SPECC1: variants seen among roughly 807,000 people sequenced by gnomAD.
SPECC1 encodes cytospin-B.
SPECC1 carries 62 observed loss-of-function variants against 104.1 expected under a neutral mutation model. That is an observed-to-expected ratio of 0.60 (90% CI 0.49 to 0.74). The LOEUF (loss-of-function observed/expected upper bound fraction) is 0.74, where lower values mean the gene tolerates loss of function less well. Ranked by LOEUF, SPECC1 falls within the 30% of genes least tolerant of loss-of-function variation. The probability of loss-of-function intolerance (pLI) is 0.00; values close to 1 mark genes in which losing one functional copy is unlikely to be tolerated. For missense variants in SPECC1, 1,306 were observed against 1,310.5 expected, an observed-to-expected ratio of 1.00 and a Z score of 0.05; for synonymous variants, 513 against 501.6, an observed-to-expected ratio of 1.02 and a Z score of -0.30.
chr17:20,297,901 A>G (rs1176935927), intron 13 of SPECC1, among the ~76,000 whole-genome samples: 1 of 152,246 alleles, frequency 6.6e-6, no homozygotes, highest in East Asian at 1.9e-4. Context: ...TGCCCTCATG[A>G]GCTAGACAGA....
chr17:20,165,587 T>C (rs570518491), intron 3 of SPECC1, among the ~76,000 whole-genome samples: 1 of 152,250 alleles, frequency 6.6e-6, no homozygotes, highest in East Asian at 1.9e-4. Flanking sequence ...ATGGAATTGC[T>C]GAGTCAAATG....
At chr17:20,300,647 CT>C (rs1349850757) in intron 13 of SPECC1, among the ~76,000 whole-genome samples, 1 of 152,264 alleles carries the variant, frequency 6.6e-6, no homozygotes, top group East Asian at 1.9e-4. Context: ...GCCAGAGCCC[CT>C]GTGTCTGGCC....
chr17:20,169,263 A>G (rs182642611), intron 3 of SPECC1, among the ~76,000 whole-genome samples: 158 of 152,348 alleles, frequency 1.0e-3, no homozygotes, highest in African/African-American at 3.6e-3. Flanking sequence ...TGTGGGAGCT[A>G]TAAACTATCT....
At chr17:20,101,549 C>A (rs563614904) in intron 2 of SPECC1, among the ~76,000 whole-genome samples, 1 of 152,256 alleles carries the variant, frequency 6.6e-6, no homozygotes, top group African/African-American at 2.4e-5. Flanking sequence ...AGGCTGGGGA[C>A]GTGGACACTC....
rs368966231 is a variant in SPECC1 at position 20,260,188 on chromosome 17, C to A, written c.2838-4C>A. Reference sequence around the variant, plus strand: ...CCTTACCATGTGCTCTTCTTTCTAACCAGTGTGGAAAGAAAAGACCCTCTG... The same window carrying A: ...CCTTACCATGTGCTCTTCTTTCTAAACAGTGTGGAAAGAAAAGACCCTCTG... On this transcript the variant is annotated splice_polypyrimidine_tract_variant and splice_region_variant and intron_variant, in intron 11 of 14. Coordinates refer to ENST00000395527, the MANE Select transcript of SPECC1 (RefSeq NM_001243439.2). 1 of 1,609,836 alleles carries A rather than the reference C, an allele frequency of 6.2e-7. No homozygotes were observed. The highest frequency in any genetic ancestry group is 1.3e-5 in the African/African-American group (1 of 74,778).
chr17:20,237,264 A>T (rs1344446028), intron 7 of SPECC1: 1 of 1,127,296 alleles, frequency 8.9e-7, no homozygotes, highest in Non-Finnish European at 1.1e-6. Context: ...GGTACAGCGC[A>T]GGCCCGAGTT....
intron 3 of SPECC1, among the ~76,000 whole-genome samples, chr17:20,168,021 A>G (rs1365114044): frequency 3.9e-5 from 6 of 152,246 alleles, no homozygotes; most frequent in African/African-American, 1.4e-4. Context: ...AATATAGCCA[A>G]AATTATGAAG....
intron 4 of SPECC1, among the ~76,000 whole-genome samples, chr17:20,211,271 G>C (rs2037130337): frequency 6.6e-6 from 1 of 152,182 alleles, no homozygotes; most frequent in Non-Finnish European, 1.5e-5. Flanking sequence ...GCATCCCACT[G>C]GCACCAAATA....
At chr17:20,063,923 C>T (rs1162052417) in intron 1 of SPECC1, among the ~76,000 whole-genome samples, 2 of 152,190 alleles carry the variant, frequency 1.3e-5, no homozygotes, top group Admixed American at 1.3e-4. Flanking sequence ...ATGAATAAAA[C>T]AATCACTTAG....
intron 3 of SPECC1, among the ~76,000 whole-genome samples, chr17:20,192,974 T>C (rs2035770486): frequency 6.6e-6 from 1 of 152,158 alleles, no homozygotes; most frequent in Non-Finnish European, 1.5e-5. Flanking sequence ...AAAGCAAGTT[T>C]AGTAAGAAAG....
chr17:20,224,250 C>G (rs561364392), intron 4 of SPECC1, among the ~76,000 whole-genome samples: 17 of 152,196 alleles, frequency 1.1e-4, no homozygotes, highest in Non-Finnish European at 2.1e-4. Context: ...AGGGGTGATG[C>G]ACTTCTGTGG....
At chr17:20,063,675 T>G (rs905217069) in intron 1 of SPECC1, among the ~76,000 whole-genome samples, 3 of 152,154 alleles carry the variant, frequency 2.0e-5, no homozygotes, top group Non-Finnish European at 1.5e-5. Context: ...CTCCTTCACC[T>G]CCTCACTCCC....
intron 3 of SPECC1, among the ~76,000 whole-genome samples, chr17:20,202,006 GT>G (rs1190825337): frequency 6.6e-6 from 1 of 152,140 alleles, no homozygotes; most frequent in Non-Finnish European, 1.5e-5. Context: ...CTAATAATCA[GT>G]TTTATCATTT....
chr17:20,112,260 C>T, intron 3 of SPECC1: 2 of 762,638 alleles, frequency 2.6e-6, no homozygotes, highest in South Asian at 2.7e-5. Flanking sequence ...GTACTTTGAA[C>T]CCATTTTGAA....
intron 14 of SPECC1, among the ~76,000 whole-genome samples, chr17:20,312,387 G>A (rs2041956644): frequency 6.6e-6 from 1 of 152,106 alleles, no homozygotes; most frequent in Non-Finnish European, 1.5e-5. Flanking sequence ...AATATTTTTA[G>A]TTCAGTTATG....
At chr17:20,211,681 T>G (rs2037159729) in intron 4 of SPECC1, among the ~76,000 whole-genome samples, 1 of 152,204 alleles carries the variant, frequency 6.6e-6, no homozygotes, top group Admixed American at 6.5e-5. Flanking sequence ...TGAAGCCCCT[T>G]GAAAAGGGGC....
chr17:20,220,218 G>C (rs1223643089), intron 4 of SPECC1, among the ~76,000 whole-genome samples: 4 of 152,120 alleles, frequency 2.6e-5, no homozygotes, highest in Non-Finnish European at 5.9e-5. Flanking sequence ...GAATGTCATT[G>C]GTATTTTGAT....
intron 14 of SPECC1, among the ~76,000 whole-genome samples, chr17:20,307,723 C>T (rs1032394656): frequency 3.3e-5 from 5 of 152,032 alleles, no homozygotes; most frequent in Non-Finnish European, 7.4e-5. Flanking sequence ...ATGTCCCATG[C>T]CCAGAGGGAA....
chr17:20,241,300 C>A (rs1324803006), intron 7 of SPECC1, among the ~76,000 whole-genome samples: 1 of 152,168 alleles, frequency 6.6e-6, no homozygotes, highest in Non-Finnish European at 1.5e-5. Context: ...CACACTGTGG[C>A]TCTTCCTATC....
Sources: allele counts gnomAD v4.1 joint callset (sites outside exome capture counted in the v4.1 genomes callset), GRCh38; gene constraint gnomAD v4.1.1; transcripts MANE v1.5; gene names NCBI Gene and HGNC (gene_info 2026-07-23, HGNC 2026-07-21).